Variants in AMPH observed in about 807,000 individuals in gnomAD.
The protein encoded by AMPH is amphiphysin, also known as amphiphysin (Stiff-Mann syndrome with breast cancer 128kD autoantigen).
A neutral mutation model predicts 99.1 loss-of-function variants in AMPH; 49 were observed. That is an observed-to-expected ratio of 0.49 (90% CI 0.39 to 0.63). AMPH has a LOEUF of 0.63. Ranked by LOEUF, AMPH falls within the 20% of genes least tolerant of loss-of-function variation. AMPH has a pLI of 0.00. For missense variants in AMPH, 759 were observed against 863.4 expected (o/e 0.88, Z 1.52); for synonymous variants, 314 against 317.3 (o/e 0.99, Z 0.11).
rs577001695 is a variant in AMPH at position 38,554,053 on chromosome 7, A to G, written c.70-19042T>C. On this transcript the variant is annotated intron_variant, in intron 1 of 20. Coordinates refer to ENST00000356264, the MANE Select transcript of AMPH (RefSeq NM_001635.4). ...CCAGCTGCATCGTTTCTGCCACATCACATTCCATTGTCCACACTCCTCCAA... is the reference window on the plus strand; with the variant it reads ...CCAGCTGCATCGTTTCTGCCACATCGCATTCCATTGTCCACACTCCTCCAA... 2.0e-5 allele frequency among the ~76,000 whole-genome samples: 3 copies of G among 152,248 alleles called. No homozygotes were observed. The South Asian group carries it at 6.2e-4, about 32-fold the overall frequency.
chr7:38,429,465 C>G (rs1380877461), intron 14 of AMPH: 3 of 1,305,396 alleles, frequency 2.3e-6, no homozygotes, highest in Non-Finnish European at 2.0e-6. Flanking sequence ...GTCAGGGCCC[C>G]AAGTAAATGC....
chr7:38,414,995 A>G (rs2128986012), intron 17 of AMPH, among the ~76,000 whole-genome samples: 1 of 152,288 alleles, frequency 6.6e-6, no homozygotes, highest in South Asian at 2.1e-4. Context: ...AAATATTTTC[A>G]TTATTTACAT....
intron 1 of AMPH, among the ~76,000 whole-genome samples, chr7:38,623,584 G>GA (rs1285081895): frequency 6.6e-6 from 1 of 152,174 alleles, no homozygotes; most frequent in African/African-American, 2.4e-5. Flanking sequence ...CAGATGATCT[G>GA]AAAAAAGAGA....
At chr7:38,445,625 G>A (rs946452891) in intron 11 of AMPH, among the ~76,000 whole-genome samples, 4 of 152,008 alleles carry the variant, frequency 2.6e-5, no homozygotes, top group Non-Finnish European at 4.4e-5. Flanking sequence ...AAGATATATG[G>A]GTGTTAAATA....
chr7:38,545,593 C>T (rs991092698), intron 1 of AMPH, among the ~76,000 whole-genome samples: 3 of 152,098 alleles, frequency 2.0e-5, no homozygotes, highest in Non-Finnish European at 4.4e-5. Flanking sequence ...TTAAATGATG[C>T]CTTTTGGTAA....
intron 17 of AMPH, among the ~76,000 whole-genome samples, chr7:38,398,271 C>G (rs910975555): frequency 6.6e-6 from 1 of 150,930 alleles, no homozygotes; most frequent in African/African-American, 2.4e-5. Context: ...TTCACAATAG[C>G]CAAGATTTGG....
At chr7:38,408,754 A>C (rs918986433) in intron 17 of AMPH, among the ~76,000 whole-genome samples, 7 of 134,974 alleles carry the variant, frequency 5.2e-5, no homozygotes, top group South Asian at 6.0e-4. Context: ...CCATCACAAA[A>C]AAAAAAAAAA....
chr7:38,590,499 A>G (rs1430497693), intron 1 of AMPH, among the ~76,000 whole-genome samples: 1 of 152,152 alleles, frequency 6.6e-6, no homozygotes, highest in Non-Finnish European at 1.5e-5. Flanking sequence ...GCTCCCATAC[A>G]ATGGGAGGGG....
At position 38,404,652 on chromosome 7, in the gene AMPH, G is replaced by C. The variant is rs565103041; in HGVS notation, c.1399-10438C>G. On this transcript the variant is annotated intron_variant, in intron 17 of 20. Transcript: ENST00000356264. ...AAAAATTTAAATGTCCCATCCAAAGGATGACTAATTTAAAAATAAGAAGTG... is the reference window on the plus strand; with the variant it reads ...AAAAATTTAAATGTCCCATCCAAAGCATGACTAATTTAAAAATAAGAAGTG... 3.9e-5 allele frequency among the ~76,000 whole-genome samples: 6 copies of C among 152,262 alleles called. No homozygotes were observed. In the South Asian group the frequency reaches 1.2e-3, roughly 32 times the overall value.
chr7:38,435,255 AG>A, intron 12 of AMPH, among the ~76,000 whole-genome samples: 1 of 152,324 alleles, frequency 6.6e-6, no homozygotes, highest in Non-Finnish European at 1.5e-5. Context: ...GAAAGCCTTT[AG>A]AAGCCCAATC....
intron 1 of AMPH, among the ~76,000 whole-genome samples, chr7:38,575,585 T>A (rs143826237): frequency 2.4e-4 from 37 of 152,260 alleles, no homozygotes; most frequent in African/African-American, 7.9e-4. Context: ...CAAACAAAGT[T>A]CATTTAAACC....
chr7:38,438,763 T>C (rs1305033302), intron 11 of AMPH, among the ~76,000 whole-genome samples: 1 of 152,118 alleles, frequency 6.6e-6, no homozygotes, highest in Non-Finnish European at 1.5e-5. Flanking sequence ...TGAGCCTCGG[T>C]TTCTTCATGA....
chr7:38,586,251 C>T (rs1367655743), intron 1 of AMPH, among the ~76,000 whole-genome samples: 1 of 152,156 alleles, frequency 6.6e-6, no homozygotes, highest in Non-Finnish European at 1.5e-5. Context: ...AAACCGTTTA[C>T]CCAGCTTCAA....
chr7:38,620,362 G>A (rs1171772668), intron 1 of AMPH, among the ~76,000 whole-genome samples: 1 of 145,476 alleles, frequency 6.9e-6, no homozygotes, highest in Non-Finnish European at 1.5e-5. Flanking sequence ...GTGTGTGTGT[G>A]TCTGTGTGTG....
At chr7:38,401,580 T>C (rs921589838) in intron 17 of AMPH, among the ~76,000 whole-genome samples, 6 of 152,254 alleles carry the variant, frequency 3.9e-5, no homozygotes, top group Non-Finnish European at 5.9e-5. Flanking sequence ...AGAATTACTG[T>C]ATTGTGTTTC....
chr7:38,521,324 C>A (rs1789948980), intron 2 of AMPH, among the ~76,000 whole-genome samples: 1 of 152,152 alleles, frequency 6.6e-6, no homozygotes, highest in East Asian at 1.9e-4. Context: ...AGGTTCGAGA[C>A]CAGCCTGGCC....
intron 1 of AMPH, among the ~76,000 whole-genome samples, chr7:38,577,822 A>C (rs1029361517): frequency 1.4e-5 from 2 of 140,732 alleles, no homozygotes; most frequent in African/African-American, 2.6e-5. Context: ...ACAGGAAGAA[A>C]GGAAGGAAAG....
intron 1 of AMPH, among the ~76,000 whole-genome samples, chr7:38,599,101 T>G (rs147114216): frequency 6.6e-6 from 1 of 152,326 alleles, no homozygotes; most frequent in East Asian, 1.9e-4. Context: ...TCTTTCTAAT[T>G]TTTCAAGTAA....
At chr7:38,444,472 T>C (rs991384612) in intron 11 of AMPH, among the ~76,000 whole-genome samples, 1 of 152,050 alleles carries the variant, frequency 6.6e-6, no homozygotes, top group African/African-American at 2.4e-5. Context: ...GAGAATGCCA[T>C]GTGAAGACAC....
Sources: allele counts gnomAD v4.1 joint callset (sites outside exome capture counted in the v4.1 genomes callset), GRCh38; gene constraint gnomAD v4.1.1; transcripts MANE v1.5; gene names NCBI Gene and HGNC (gene_info 2026-07-23, HGNC 2026-07-21).